Variants in PCDH15 observed in about 807,000 individuals in gnomAD.
The protein encoded by PCDH15 is protocadherin related 15.
Under a neutral mutation model 178.5 loss-of-function variants are expected in PCDH15, and 129 were observed. The observed-to-expected ratio is 0.72, with a 90% CI of 0.63 to 0.84. PCDH15 has a LOEUF of 0.84. Among genes scored for constraint, PCDH15 ranks in the 40% least tolerant of loss-of-function variants. The probability of loss-of-function intolerance (pLI) is 0.00; values close to 1 mark genes in which losing one functional copy is unlikely to be tolerated. For missense variants in PCDH15, 2,230 were observed against 2,099.9 expected, an observed-to-expected ratio of 1.06 and a Z score of -1.21; for synonymous variants, 800 against 732.0, an observed-to-expected ratio of 1.09 and a Z score of -1.50.
At chr10:54,726,653 A>G (rs1335522221) in intron 1 of PCDH15, among the ~76,000 whole-genome samples, 6 of 151,538 alleles carry the variant, frequency 4.0e-5, no homozygotes, top group Non-Finnish European at 8.9e-5. Flanking sequence ...TAATCTAAGG[A>G]ATCTAGCAAA....
intron 1 of PCDH15, among the ~76,000 whole-genome samples, chr10:55,195,148 T>C (rs1591980981): frequency 6.6e-6 from 1 of 151,536 alleles, no homozygotes; most frequent in African/African-American, 2.4e-5. Context: ...CTCAGTCTCC[T>C]GAGTAGCTGG....
intron 3 of PCDH15, among the ~76,000 whole-genome samples, chr10:54,876,046 G>A (rs1196957443): frequency 6.6e-6 from 1 of 152,080 alleles, no homozygotes; most frequent in Non-Finnish European, 1.5e-5. Flanking sequence ...TCCCTTGTTA[G>A]AAGCTAATAT....
chr10:53,855,238 T>C (rs969574273), intron 28 of PCDH15, among the ~76,000 whole-genome samples: 1 of 151,958 alleles, frequency 6.6e-6, no homozygotes, highest in African/African-American at 2.4e-5. Context: ...AAAAATAAAC[T>C]AGAATAAAGG....
chr10:54,822,205 A>G (rs149714400), intron 3 of PCDH15, among the ~76,000 whole-genome samples: 3 of 152,270 alleles, frequency 2.0e-5, no homozygotes, highest in African/African-American at 7.2e-5. Flanking sequence ...AATATGCAAT[A>G]AATTATTATC....
rs796675889 is a variant in PCDH15, at chr10:55,493,541, CA to C, written c.-156+134083del. Reference sequence around the variant, plus strand: ...TGGGTGAAAGAGAAAAACCTTGTCTCAAAAAAAAAAAGGGAAAGAATAAATA... The same window carrying C: ...TGGGTGAAAGAGAAAAACCTTGTCTCAAAAAAAAAAGGGAAAGAATAAATA... On this transcript the variant is annotated intron_variant, in intron 2 of 5. Coordinates refer to the PCDH15 transcript ENST00000613346. Among the ~76,000 whole-genome samples, 495 of 132,682 alleles carry C rather than the reference CA, an allele frequency of 3.7e-3. 5 individuals carry two copies. The highest frequency in any genetic ancestry group is 0.019 in the Admixed American group (252 of 13,210). The allele number at this position is 132,682 out of a possible 152,430, so 87.0% of individuals were successfully genotyped here. A position where few individuals can be genotyped will look rare whatever the true frequency, so the allele number is the denominator to read the frequency against.
intron 2 of PCDH15, among the ~76,000 whole-genome samples, chr10:54,914,846 T>C (rs1213846869): frequency 2.0e-5 from 3 of 152,204 alleles, no homozygotes; most frequent in African/African-American, 4.8e-5. Context: ...TTCATATTAT[T>C]TGCTCACAGA....
At chr10:55,322,070 A>C (rs1164812533), upstream of PCDH15, among the ~76,000 whole-genome samples, 5 of 152,282 alleles carry the variant, frequency 3.3e-5, no homozygotes, top group Middle Eastern at 0.01. Flanking sequence ...AATAATCCTC[A>C]TGTGTCAAGG....
intron 21 of PCDH15, among the ~76,000 whole-genome samples, chr10:53,971,817 T>A (rs1240090370): frequency 1.3e-5 from 2 of 152,174 alleles, no homozygotes; most frequent in Non-Finnish European, 2.9e-5. Context: ...GAACATTCCA[T>A]GCTCATGGAT....
chr10:53,809,364 G>T, intron 37 of PCDH15: 1 of 1,613,922 alleles, frequency 6.2e-7, no homozygotes, highest in Non-Finnish European at 8.5e-7. Context: ...CAAGGTCAAC[G>T]ATTCCTCTTT....
intron 2 of PCDH15, among the ~76,000 whole-genome samples, chr10:55,424,797 C>A (rs1838711393): frequency 6.6e-6 from 1 of 151,856 alleles, no homozygotes; most frequent in African/African-American, 2.4e-5. Flanking sequence ...CCAGAAGTGC[C>A]AAACATCAAT....
At chr10:54,965,141 CTGCTTTTTGAACAA>C (rs1366617750) in intron 2 of PCDH15, among the ~76,000 whole-genome samples, 3 of 152,134 alleles carry the variant, frequency 2.0e-5, no homozygotes, top group African/African-American at 7.2e-5. Context: ...AATGAAGTTA[CTGCTTTTTGAACAA>C]AATACAATAT....
chr10:54,515,732 G>C (rs1401309399), intron 3 of PCDH15, among the ~76,000 whole-genome samples: 2 of 152,246 alleles, frequency 1.3e-5, no homozygotes, highest in Non-Finnish European at 2.9e-5. Flanking sequence ...GCATCCCCCA[G>C]TAGGGGCAGA....
rs181733436 is a variant in PCDH15 at position 54,742,107 on chromosome 10, C to T, written c.-29+58818G>A. Among the ~76,000 whole-genome samples, 11 of 152,112 alleles carry T rather than the reference C, an allele frequency of 7.2e-5. No homozygotes were observed. The East Asian group carries it at 2.1e-3, about 29-fold the overall frequency. On this transcript the variant is annotated intron_variant, in intron 1 of 37. Transcript: ENST00000644397. ...GTGAATATATATAGCAGAATATGTA[C>T]CATCACTATTTCAAGGCTATCCCAT...
chr10:53,900,283 A>G (rs1179208971), intron 26 of PCDH15, among the ~76,000 whole-genome samples: 1 of 149,398 alleles, frequency 6.7e-6, no homozygotes, highest in East Asian at 2.0e-4. Context: ...TCACTATTGT[A>G]TAAAGTACCT....
At chr10:54,316,139 T>G (rs2061253056) in intron 8 of PCDH15, among the ~76,000 whole-genome samples, 1 of 152,146 alleles carries the variant, frequency 6.6e-6, no homozygotes, top group Admixed American at 6.6e-5. Flanking sequence ...TAACTATTTA[T>G]TTTTCTCTCC....
intron 18 of PCDH15, among the ~76,000 whole-genome samples, chr10:54,062,547 G>A (rs1026964496): frequency 2.0e-5 from 3 of 152,088 alleles, no homozygotes; most frequent in African/African-American, 7.2e-5. Context: ...TGCAGAATCA[G>A]TTAGATGCAG....
At chr10:53,973,957 C>T (rs1189973915) in intron 21 of PCDH15, among the ~76,000 whole-genome samples, 2 of 152,192 alleles carry the variant, frequency 1.3e-5, no homozygotes, top group African/African-American at 4.8e-5. Flanking sequence ...GAGCTGAAAA[C>T]GTTGCCAACA....
rs372100223 is a variant in PCDH15, at chr10:54,236,851, C to A, written c.957G>T (p.Arg319Ser). 1 of 1,613,240 alleles carries A rather than the reference C, an allele frequency of 6.2e-7. No individual in the cohort carries two copies. The highest frequency in any genetic ancestry group is 1.3e-5 in the African/African-American group (1 of 74,856). The change falls in exon 9 of 38, where the codon AGG becomes AGT. Residue 319 changes from arginine to serine, a missense_variant. Arg to Ser is a moderately radical substitution (Grantham distance 110). Coordinates refer to ENST00000644397, the MANE Select transcript of PCDH15 (RefSeq NM_001384140.1). ...QDRNIQPPSDRPGILYSILVG... is the reference protein window; with the variant it reads ...QDRNIQPPSDSPGILYSILVG... ...CAAGGATGGAATAGAGGATTCCTGG[C>A]CTATCTGATGGCGGTTGAATATTCC...
At chr10:53,970,409 TG>T (rs1442052458) in intron 21 of PCDH15, among the ~76,000 whole-genome samples, 1 of 151,914 alleles carries the variant, frequency 6.6e-6, no homozygotes, top group Non-Finnish European at 1.5e-5. Context: ...ACAATAATAA[TG>T]GGGGACTTTA....
Sources: allele counts gnomAD v4.1 joint callset (sites outside exome capture counted in the v4.1 genomes callset), GRCh38; gene constraint gnomAD v4.1.1; transcripts MANE v1.5; gene names NCBI Gene and HGNC (gene_info 2026-07-23, HGNC 2026-07-21).